SLC9D1: variants seen among roughly 807,000 people sequenced by gnomAD.
SLC9D1 encodes the protein solute carrier family 9 member D1.
At chr13:113,543,072 G>A in the SLC9D1 span, among the ~76,000 whole-genome samples, 8 of 14,818 alleles carry the variant, frequency 5.4e-4, no homozygotes, top group Non-Finnish European at 9.2e-4. Flanking sequence ...CCTGCCTCCC[G>A]CCCTACCTCT....
the SLC9D1 span, among the ~76,000 whole-genome samples, chr13:113,532,019 C>G: frequency 6.6e-6 from 1 of 152,206 alleles, no homozygotes; most frequent in Non-Finnish European, 1.5e-5. Flanking sequence ...ATCACCTGGT[C>G]TCTGCCCCTG....
At chr13:113,508,998 C>T in the SLC9D1 span, among the ~76,000 whole-genome samples, 63 of 143,464 alleles carry the variant, frequency 4.4e-4, no homozygotes, top group African/African-American at 1.2e-3. Context: ...CTGGAGCTGC[C>T]GGTGTATGTT....
the SLC9D1 span, chr13:113,549,934 T>G: frequency 2.1e-6 from 1 of 465,714 alleles, no homozygotes; most frequent in South Asian, 2.9e-5. Flanking sequence ...AGAATTATAA[T>G]CTGTTAGTCA....
the SLC9D1 span, among the ~76,000 whole-genome samples, chr13:113,525,377 A>G: frequency 6.6e-6 from 1 of 152,232 alleles, no homozygotes; most frequent in Non-Finnish European, 1.5e-5. Flanking sequence ...AAAGGCTCAC[A>G]CACCCAATTA....
the SLC9D1 span, among the ~76,000 whole-genome samples, chr13:113,509,539 C>T: frequency 2.0e-5 from 3 of 152,158 alleles, no homozygotes; most frequent in Non-Finnish European, 2.9e-5. Flanking sequence ...AGCCACACAG[C>T]CCCTGCACCC....
At chr13:113,521,075 G>A in the SLC9D1 span, among the ~76,000 whole-genome samples, 1 of 152,172 alleles carries the variant, frequency 6.6e-6, no homozygotes, top group Non-Finnish European at 1.5e-5. Flanking sequence ...GGAGGGAGGG[G>A]GGTGTCTGTA....
At chr13:113,536,331 A>G in the SLC9D1 span, among the ~76,000 whole-genome samples, 1 of 141,656 alleles carries the variant, frequency 7.1e-6, no homozygotes, top group Non-Finnish European at 1.5e-5. Context: ...TGATAGAGCA[A>G]GACTGCCTCA....
the SLC9D1 span, among the ~76,000 whole-genome samples, chr13:113,521,335 T>C: frequency 6.7e-6 from 1 of 148,626 alleles, no homozygotes; most frequent in East Asian, 2.0e-4. Context: ...TCTGCATGCA[T>C]GTGCGTCTGC....
chr13:113,510,945 G>A, the SLC9D1 span, among the ~76,000 whole-genome samples: 24,564 of 149,830 alleles, frequency 0.16, 3,235 homozygotes, highest in African/African-American at 0.31. Flanking sequence ...CGACTTGCTC[G>A]GAGCCTAGGC....
the SLC9D1 span, among the ~76,000 whole-genome samples, chr13:113,522,431 C>T: frequency 6.6e-6 from 1 of 152,356 alleles, no homozygotes; most frequent in East Asian, 1.9e-4. Context: ...AGCTCCGCCT[C>T]CCAGCTTCAC....
the SLC9D1 span, among the ~76,000 whole-genome samples, chr13:113,497,652 G>T: frequency 6.6e-6 from 1 of 151,112 alleles, no homozygotes; most frequent in Non-Finnish European, 1.5e-5. Flanking sequence ...CTGTGTGAGA[G>T]ACCTGCAGCT....
chr13:113,520,570 C>G, the SLC9D1 span: 1 of 1,391,410 alleles, frequency 7.2e-7, no homozygotes, highest in South Asian at 1.2e-5. Context: ...ACTTTGGATA[C>G]TTTTGAGTTG....
chr13:113,510,243 G>A, the SLC9D1 span: 15 of 1,613,928 alleles, frequency 9.3e-6, no homozygotes, highest in African/African-American at 1.7e-4. Context: ...TTAAGGTGTG[G>A]AAGATTTCCT....
the SLC9D1 span, among the ~76,000 whole-genome samples, chr13:113,549,100 A>G: frequency 6.6e-6 from 1 of 152,212 alleles, no homozygotes; most frequent in Non-Finnish European, 1.5e-5. Context: ...AGGACTAACC[A>G]TGCATCACTG....
the SLC9D1 span, chr13:113,499,942 A>G: frequency 7.2e-6 from 10 of 1,394,444 alleles, no homozygotes; most frequent in Non-Finnish European, 9.4e-6. Context: ...ATTGCATAAT[A>G]TTATTATTCT....
the SLC9D1 span, chr13:113,500,112 A>T: frequency 6.4e-7 from 1 of 1,569,394 alleles, no homozygotes. Context: ...AAGCCCAGAG[A>T]TTCAACCATC....
the SLC9D1 span, among the ~76,000 whole-genome samples, chr13:113,544,151 C>T: frequency 1.3e-5 from 2 of 152,256 alleles, no homozygotes; most frequent in Non-Finnish European, 2.9e-5. Context: ...GCAGAGACTC[C>T]TCTGCAGGTC....
At chr13:113,494,456 C>T in the SLC9D1 span, among the ~76,000 whole-genome samples, 1 of 152,122 alleles carries the variant, frequency 6.6e-6, no homozygotes, top group African/African-American at 2.4e-5. Flanking sequence ...TGCTCATCAC[C>T]ACCTGGACAC....
chr13:113,541,079 TGTGCCA>T, the SLC9D1 span, among the ~76,000 whole-genome samples: 51 of 152,206 alleles, frequency 3.4e-4, 5 homozygotes, highest in Non-Finnish European at 1.6e-4. Flanking sequence ...TGTGTGTTTC[TGTGCCA>T]GTGCCATACT....
Sources: allele counts gnomAD v4.1 joint callset (sites outside exome capture counted in the v4.1 genomes callset), GRCh38; gene constraint gnomAD v4.1.1; transcripts MANE v1.5; gene names NCBI Gene and HGNC (gene_info 2026-07-23, HGNC 2026-07-21).